DMD: variants seen among roughly 807,000 people sequenced by gnomAD.
DMD encodes the protein mutant dystrophin.
DMD carries 63 observed loss-of-function variants against 330.1 expected under a neutral mutation model. That is an observed-to-expected ratio of 0.19 (90% CI 0.16 to 0.24). DMD has a LOEUF of 0.24. DMD is among the 10% of genes least tolerant of loss of function. The probability of loss-of-function intolerance (pLI) is 1.00; values close to 1 mark genes in which losing one functional copy is unlikely to be tolerated. For synonymous variants in DMD, 1,223 were observed against 959.8 expected, an observed-to-expected ratio of 1.27 and a Z score of -5.07; for missense variants, 3,344 against 2,684.1, an observed-to-expected ratio of 1.25 and a Z score of -5.43.
chrX:31,935,044 G>A, intron 45 of DMD, among the ~76,000 whole-genome samples: 1 of 111,871 alleles, frequency 8.9e-6, no homozygotes, highest in African/African-American at 3.2e-5. Context: ...AAAGCCAAAG[G>A]AATGCCTACG....
chrX:32,391,511 A>T (rs1379010438), intron 30 of DMD, among the ~76,000 whole-genome samples: 1 of 112,112 alleles, frequency 8.9e-6, no homozygotes, highest in African/African-American at 3.2e-5. Context: ...CCTAACAATT[A>T]TAGAGGCAAA....
chrX:32,982,824 G>T (rs993293085), intron 2 of DMD, among the ~76,000 whole-genome samples: 1 of 112,080 alleles, frequency 8.9e-6, no homozygotes, highest in Non-Finnish European at 1.9e-5. Flanking sequence ...TTCTAGGACA[G>T]GATGGGTAGA....
At chrX:32,696,670 A>G (rs2063678585) in intron 9 of DMD, among the ~76,000 whole-genome samples, 1 of 111,321 alleles carries the variant, frequency 9.0e-6, no homozygotes, top group South Asian at 3.9e-4. Flanking sequence ...AGGCAGCTCA[A>G]TAAAGTGATA....
chrX:32,568,395 C>T (rs749707484), intron 15 of DMD, among the ~76,000 whole-genome samples: 17 of 108,796 alleles, frequency 1.6e-4, no homozygotes, highest in African/African-American at 5.7e-4. Context: ...GTGGTCCCAG[C>T]GACTCAGGAA....
chrX:31,454,588 G>A (rs2066017676), intron 59 of DMD, among the ~76,000 whole-genome samples: 1 of 111,589 alleles, frequency 9.0e-6, no homozygotes, highest in Non-Finnish European at 1.9e-5. Flanking sequence ...ACAATAGTGT[G>A]CATCTCATTG....
At chrX:32,494,996 G>C (rs1293350412) in intron 19 of DMD, among the ~76,000 whole-genome samples, 3 of 111,066 alleles carry the variant, frequency 2.7e-5, no homozygotes, top group Non-Finnish European at 5.7e-5. Flanking sequence ...AAAATAAAAA[G>C]AGTTTATTTG....
chrX:31,555,952 G>A (rs1569551165), intron 55 of DMD, among the ~76,000 whole-genome samples: 2 of 111,576 alleles, frequency 1.8e-5, no homozygotes, highest in Non-Finnish European at 3.8e-5. Flanking sequence ...TCATGATTTG[G>A]ATAGGCTGCC....
intron 48 of DMD, among the ~76,000 whole-genome samples, chrX:31,853,072 C>T (rs749854603): frequency 4.5e-5 from 5 of 111,949 alleles, no homozygotes; most frequent in African/African-American, 9.7e-5. Flanking sequence ...TTAGTACAGA[C>T]GGGGTTTTGC....
chrX:32,325,298 A>G (rs1247734077), intron 41 of DMD, among the ~76,000 whole-genome samples: 2 of 111,430 alleles, frequency 1.8e-5, no homozygotes, highest in African/African-American at 6.5e-5. Flanking sequence ...GTATTAATTG[A>G]TTAAAGTAAT....
At chrX:32,160,711 A>T (rs1340211497) in intron 44 of DMD, among the ~76,000 whole-genome samples, 2 of 108,757 alleles carry the variant, frequency 1.8e-5, no homozygotes, top group Non-Finnish European at 3.8e-5. Context: ...TCAAACATGA[A>T]AGGTTTTTTT....
chrX:32,022,904 C>T (rs1370135150), intron 44 of DMD, among the ~76,000 whole-genome samples: 2 of 106,274 alleles, frequency 1.9e-5, no homozygotes, highest in Non-Finnish European at 3.9e-5. Flanking sequence ...ACGATCTCGG[C>T]TCACTGCAAA....
At chrX:31,249,455 G>C (rs187524183) in intron 63 of DMD, among the ~76,000 whole-genome samples, 91 of 111,507 alleles carry the variant, frequency 8.2e-4, no homozygotes, top group African/African-American at 2.7e-3. Flanking sequence ...GTGTTGCCCA[G>C]GCTGGTCTCG....
chrX:33,084,491 C>T (rs2094975774), intron 1 of DMD, among the ~76,000 whole-genome samples: 1 of 111,630 alleles, frequency 9.0e-6, no homozygotes, highest in Admixed American at 9.5e-5. Context: ...AGCCAGTGAG[C>T]CAGGAGTGCT....
At chrX:31,662,278 T>A (rs1029019323) in intron 53 of DMD, among the ~76,000 whole-genome samples, 1 of 111,780 alleles carries the variant, frequency 8.9e-6, no homozygotes, top group South Asian at 3.8e-4. Context: ...ATTAAATAAA[T>A]ATTAATCATC....
intron 50 of DMD, among the ~76,000 whole-genome samples, chrX:31,778,413 CCT>C (rs1011318411): frequency 1.8e-5 from 2 of 111,075 alleles, no homozygotes; most frequent in African/African-American, 6.6e-5. Flanking sequence ...TCTTCATCGA[CCT>C]CTCACATTAG....
chrX:32,828,622 C>A (rs145028816), intron 4 of DMD, among the ~76,000 whole-genome samples: 1 of 107,596 alleles, frequency 9.3e-6, no homozygotes, highest in African/African-American at 3.5e-5. Flanking sequence ...TACATCTATA[C>A]ACATATATAC....
chrX:32,375,107 C>T (rs1461571681), intron 34 of DMD, among the ~76,000 whole-genome samples: 1 of 110,696 alleles, frequency 9.0e-6, no homozygotes, highest in Non-Finnish European at 1.9e-5. Flanking sequence ...CACAGGCTAA[C>T]TTTTGGTTCC....
intron 37 of DMD, among the ~76,000 whole-genome samples, chrX:32,349,801 A>G (rs2097775655): frequency 8.9e-6 from 1 of 111,768 alleles, no homozygotes; most frequent in African/African-American, 3.2e-5. Flanking sequence ...CTATTACAGT[A>G]CCAGTTTTTA....
intron 34 of DMD, among the ~76,000 whole-genome samples, chrX:32,365,597 C>G (rs1009979392): frequency 2.7e-5 from 3 of 110,868 alleles, no homozygotes; most frequent in African/African-American, 9.8e-5. Context: ...ATTTTTTTAG[C>G]CTTTTAGTGC....
Sources: gnomAD v4.1 joint callset for allele counts (sites outside exome capture counted in the v4.1 genomes callset) on GRCh38, gnomAD v4.1.1 for gene constraint, MANE v1.5 for transcripts, NCBI Gene and HGNC (gene_info 2026-07-23, HGNC 2026-07-21) for gene names.